Variants in MACROD2 observed in about 807,000 individuals in gnomAD.
The protein encoded by MACROD2 is mono-ADP ribosylhydrolase 2, also known as ADP-ribose glycohydrolase MACROD2.
Under a neutral mutation model 70.4 loss-of-function variants are expected in MACROD2, and 36 were observed. The observed-to-expected ratio is 0.51, with a 90% CI of 0.39 to 0.68. The LOEUF (loss-of-function observed/expected upper bound fraction) is 0.68. Ranked by LOEUF, MACROD2 falls within the 30% of genes least tolerant of loss-of-function variation. The probability of loss-of-function intolerance (pLI) is 0.00; values close to 1 mark genes in which losing one functional copy is unlikely to be tolerated. For synonymous variants in MACROD2, 172 were observed against 178.8 expected (o/e 0.96, Z 0.30); for missense variants, 496 against 538.4 (o/e 0.92, Z 0.78).
chr20:16,026,490 G>C (rs2067082539), intron 15 of MACROD2, among the ~76,000 whole-genome samples: 1 of 152,356 alleles, frequency 6.6e-6, no homozygotes, highest in East Asian at 1.9e-4. Context: ...AGGCAGGCCT[G>C]TGAAAGAAAG....
chr20:15,292,206 G>T lies in MACROD2; in HGVS notation c.540+62145G>T, dbSNP rs777369474. Among the ~76,000 whole-genome samples, 18 of 152,106 alleles carry T rather than the reference G, an allele frequency of 1.2e-4. No individual in the cohort carries two copies. In the South Asian group the frequency reaches 1.2e-3, roughly 11 times the overall value. On this transcript the variant is annotated intron_variant, in intron 6 of 17. Transcript: ENST00000684519. The stretch of plus-strand genomic sequence containing the variant: ...TCATATTTCAATTGAAATAATCTGG[G>T]CTAGTTTTACAATAGAGGTAAAAAA...
At chr20:14,654,305 G>A (rs1190794930) in intron 4 of MACROD2, among the ~76,000 whole-genome samples, 1 of 151,748 alleles carries the variant, frequency 6.6e-6, no homozygotes, top group Non-Finnish European at 1.5e-5. Flanking sequence ...CCAGCACTTT[G>A]GGAGGCTGAG....
At chr20:14,140,443 T>G (rs1391424542) in intron 3 of MACROD2, among the ~76,000 whole-genome samples, 2 of 152,222 alleles carry the variant, frequency 1.3e-5, no homozygotes, top group African/African-American at 4.8e-5. Flanking sequence ...ATTCTTATCT[T>G]GATTCTGAGC....
At chr20:16,045,927 T>G (rs1299934441) in intron 17 of MACROD2, among the ~76,000 whole-genome samples, 1 of 152,094 alleles carries the variant, frequency 6.6e-6, no homozygotes, top group East Asian at 1.9e-4. Context: ...TGAGAAGAAT[T>G]AGAAGAAGGA....
At chr20:15,304,768 C>G (rs375151706) in intron 6 of MACROD2, among the ~76,000 whole-genome samples, 9 of 152,254 alleles carry the variant, frequency 5.9e-5, no homozygotes, top group African/African-American at 1.7e-4. Context: ...CCAATCGGGT[C>G]TAGCTTAGAT....
At chr20:14,947,790 C>G (rs560634923) in intron 5 of MACROD2, among the ~76,000 whole-genome samples, 1 of 152,238 alleles carries the variant, frequency 6.6e-6, no homozygotes, top group Admixed American at 6.5e-5. Flanking sequence ...CAGGTGAGGA[C>G]TGCAGTTTGG....
At chr20:15,136,846 G>C (rs561259268) in intron 5 of MACROD2, among the ~76,000 whole-genome samples, 5 of 151,004 alleles carry the variant, frequency 3.3e-5, no homozygotes, top group Admixed American at 6.6e-5. Context: ...AATCTACAAT[G>C]AACTCAAACA....
intron 8 of MACROD2, among the ~76,000 whole-genome samples, chr20:15,557,745 G>T (rs777346620): frequency 5.0e-4 from 76 of 152,280 alleles, no homozygotes; most frequent in Non-Finnish European, 2.5e-4. Context: ...GAGTACAGAA[G>T]GGGGAATTGG....
intron 8 of MACROD2, among the ~76,000 whole-genome samples, chr20:15,756,484 T>C (rs1246586249): frequency 6.6e-6 from 1 of 152,106 alleles, no homozygotes. Flanking sequence ...AAAATAACAT[T>C]GTTAAAGGTT....
intron 5 of MACROD2, among the ~76,000 whole-genome samples, chr20:14,725,857 A>G (rs1184153577): frequency 2.6e-5 from 4 of 152,108 alleles, no homozygotes; most frequent in African/African-American, 4.8e-5. Context: ...GCTGCTCTAT[A>G]TGGGCCAAGA....
chr20:14,949,175 C>T (rs2122727338), intron 5 of MACROD2, among the ~76,000 whole-genome samples: 1 of 152,248 alleles, frequency 6.6e-6, no homozygotes, highest in South Asian at 2.1e-4. Flanking sequence ...CCAAAATGTT[C>T]ACTTTAGTTT....
At chr20:14,219,772 C>T (rs2081654222) in intron 3 of MACROD2, among the ~76,000 whole-genome samples, 1 of 152,150 alleles carries the variant, frequency 6.6e-6, no homozygotes, top group Admixed American at 6.5e-5. Flanking sequence ...TTCATGTGAG[C>T]CAAACTGCAG....
intron 8 of MACROD2, among the ~76,000 whole-genome samples, chr20:15,855,625 A>G (rs1338470144): frequency 6.6e-6 from 1 of 152,156 alleles, no homozygotes; most frequent in African/African-American, 2.4e-5. Context: ...GGGAGCCAGC[A>G]TCCAGATCAA....
At chr20:15,482,199 T>C (rs2047107074) in intron 7 of MACROD2, among the ~76,000 whole-genome samples, 1 of 152,194 alleles carries the variant, frequency 6.6e-6, no homozygotes, top group Admixed American at 6.5e-5. Context: ...GTTTATTTCC[T>C]TCTTACTCTT....
chr20:15,442,093 G>T (rs2046502163), intron 7 of MACROD2, among the ~76,000 whole-genome samples: 2 of 151,998 alleles, frequency 1.3e-5, no homozygotes, highest in South Asian at 4.2e-4. Context: ...CCTTTTCCTT[G>T]CTCCTTGTAC....
At chr20:14,554,053 T>C (rs1406154513) in intron 4 of MACROD2, among the ~76,000 whole-genome samples, 1 of 152,134 alleles carries the variant, frequency 6.6e-6, no homozygotes, top group Non-Finnish European at 1.5e-5. Context: ...TTTTAATCCC[T>C]TCATTTGCCA....
chr20:14,242,580 A>T (rs554633874), intron 3 of MACROD2, among the ~76,000 whole-genome samples: 22 of 152,306 alleles, frequency 1.4e-4, no homozygotes, highest in Admixed American at 8.5e-4. Flanking sequence ...AAATTGTTCC[A>T]TTGGATGACA....
rs2045800505 is a variant in MACROD2, at chr20:15,392,112, T to C, written c.541-39293T>C. On this transcript the variant is annotated intron_variant, in intron 6 of 17. Transcript: ENST00000684519. The stretch of plus-strand genomic sequence containing the variant: ...TTAATTAATTTTACTATTTGGTAAA[T>C]TCAGATAATGCACACAGGGCCAACT... Among the ~76,000 whole-genome samples the C allele has an allele frequency of 3.3e-5, 5 of 151,160 alleles. 1 individual carries two copies. In the South Asian group the frequency reaches 1.0e-3, roughly 32 times the overall value.
At chr20:15,780,547 C>T (rs12480226) in intron 8 of MACROD2, among the ~76,000 whole-genome samples, 13,721 of 152,030 alleles carry the variant, frequency 0.09, 1,305 homozygotes, top group East Asian at 0.32. Context: ...GGCTTTATCA[C>T]GTAAGACTTT....
Sources: gnomAD v4.1 joint callset for allele counts (sites outside exome capture counted in the v4.1 genomes callset) on GRCh38, gnomAD v4.1.1 for gene constraint, MANE v1.5 for transcripts, NCBI Gene and HGNC (gene_info 2026-07-23, HGNC 2026-07-21) for gene names.